The following METTL16 variants were observed in gnomAD, a reference collection of about 807,000 sequenced individuals.
The protein encoded by METTL16 is RNA N(6)-adenosine-methyltransferase METTL16.
Under a neutral mutation model 57.9 loss-of-function variants are expected in METTL16, and 19 were observed. The observed-to-expected ratio is 0.33, with a 90% CI of 0.23 to 0.48. The LOEUF is 0.48. METTL16 is among the 20% of genes least tolerant of loss of function. METTL16 has a pLI of 0.99. For synonymous variants in METTL16, 246 were observed against 255.6 expected (o/e 0.96, Z 0.36); for missense variants, 434 against 691.5 (o/e 0.63, Z 4.18).
At chr17:2,434,939 C>A (rs1294481906) in intron 8 of METTL16, among the ~76,000 whole-genome samples, 3 of 152,204 alleles carry the variant, frequency 2.0e-5, no homozygotes, top group African/African-American at 4.8e-5. Context: ...TTTCTCCTAA[C>A]AAACGTCAAA....
chr17:2,417,014 A>T lies in METTL16; in HGVS notation c.*2956T>A, dbSNP rs906984260. The T allele has an allele frequency of 2.0e-5, 3 of 146,912 alleles. No homozygotes were observed. Among genetic ancestry groups the T allele is most frequent in the African/African-American group, 7.5e-5 (3 of 40,156 alleles). The allele number at this position is 146,912 out of a possible 1,614,324, so 9.1% of individuals were successfully genotyped here. A position where few individuals can be genotyped will look rare whatever the true frequency, so the allele number is the denominator to read the frequency against. ...GAAATGGAAACATCCAAATGCACAG[A>T]AGGCACTCGGCTCCAGACTGAAAGC... is the stretch of plus-strand genomic sequence containing the variant. On this transcript the variant is annotated 3_prime_UTR_variant, in exon 10 of 10. Transcript: ENST00000263092.
At chr17:2,428,527 CAAAAAAAAAAAAAAAAAAAA>C (rs533793602) in intron 8 of METTL16, among the ~76,000 whole-genome samples, 3 of 21,076 alleles carry the variant, frequency 1.4e-4, no homozygotes, top group African/African-American at 1.8e-4. Flanking sequence ...GACTCCGTCT[CAAAAAAAAAAAAAAAAAAAA>C]AAAAAAAAAA....
Position 2,486,003 on chromosome 17 carries a change from T to C in METTL16, c.129-8118A>G, listed in dbSNP as rs530793155. On this transcript the variant is annotated intron_variant, in intron 2 of 9. Transcript: ENST00000263092. ...AGGAAGGAACGAAGGGAAGGGAACG[T>C]GGCATTCTAGGGTCCTAGGTAAAGC... is the stretch of plus-strand genomic sequence containing the variant. 1.4e-4 allele frequency among the ~76,000 whole-genome samples: 22 copies of C among 152,194 alleles called. No individual in the cohort carries two copies. The East Asian group carries it at 4.1e-3, about 28-fold the overall frequency.
chr17:2,461,727 C>T (rs985133702), intron 6 of METTL16, among the ~76,000 whole-genome samples: 4 of 152,164 alleles, frequency 2.6e-5, no homozygotes, highest in African/African-American at 9.6e-5. Flanking sequence ...CAGGCGCCTG[C>T]CACCACACCC....
intron 2 of METTL16, 115 bp from the exon 3 acceptor site, chr17:2,478,000 C>A: frequency 1.4e-6 from 1 of 736,496 alleles, no homozygotes; most frequent in Non-Finnish European, 2.3e-6. Flanking sequence ...GGAGATCACA[C>A]ACAGTTACAC....
chr17:2,437,035 T>C (rs1202459577), intron 8 of METTL16, among the ~76,000 whole-genome samples: 1 of 151,928 alleles, frequency 6.6e-6, no homozygotes, highest in Non-Finnish European at 1.5e-5. Flanking sequence ...GCATGCGCCA[T>C]CAAAATACAA....
chr17:2,480,984 C>T (rs1184846914), intron 2 of METTL16, among the ~76,000 whole-genome samples: 1 of 152,174 alleles, frequency 6.6e-6, no homozygotes, highest in East Asian at 1.9e-4. Context: ...AGATGGATCA[C>T]TTGAGGTCAG....
At chr17:2,501,332 G>C (rs112203602) in intron 2 of METTL16, among the ~76,000 whole-genome samples, 4,080 of 152,084 alleles carry the variant, frequency 0.027, 96 homozygotes, top group African/African-American at 0.067. Context: ...GGGAGGCTGG[G>C]GCAGGAAGAC....
chr17:2,480,550 C>T (rs1454791607), intron 2 of METTL16, among the ~76,000 whole-genome samples: 1 of 152,162 alleles, frequency 6.6e-6, no homozygotes, highest in Non-Finnish European at 1.5e-5. Flanking sequence ...TAGCACTCCC[C>T]AAAGGAATCG....
intron 4 of METTL16, among the ~76,000 whole-genome samples, chr17:2,472,250 C>T (rs2067240414): frequency 6.6e-6 from 1 of 152,100 alleles, no homozygotes; most frequent in Non-Finnish European, 1.5e-5. Flanking sequence ...TACCACTACA[C>T]GCCTATTAGA....
At chr17:2,480,168 A>G (rs1222988160) in intron 2 of METTL16, among the ~76,000 whole-genome samples, 1 of 149,952 alleles carries the variant, frequency 6.7e-6, no homozygotes, top group Non-Finnish European at 1.5e-5. Flanking sequence ...CCTAGGTGAC[A>G]GAGAGAGACT....
rs200371916 is a variant in METTL16, at chr17:2,441,757, T to TA, written c.729-199dup. On this transcript the variant is annotated intron_variant, in intron 6 of 9. Transcript: ENST00000263092. ...GATGGAAAACAAGCCCAAGGCAACT[T>TA]AAAAAATAAATAAATAAATAAATGT... Among the ~76,000 whole-genome samples, 569 of 151,974 alleles carry TA rather than the reference T, an allele frequency of 3.7e-3. 4 individuals carry two copies. The highest frequency in any genetic ancestry group is 0.013 in the African/African-American group (530 of 41,416).
chr17:2,465,325 C>T (rs576913496), intron 5 of METTL16, among the ~76,000 whole-genome samples: 93 of 151,456 alleles, frequency 6.1e-4, no homozygotes, highest in Non-Finnish European at 1.1e-3. Context: ...GGGAGGATCA[C>T]GAGGTCAGGA....
intron 4 of METTL16, among the ~76,000 whole-genome samples, chr17:2,470,324 A>C (rs2067227499): frequency 6.6e-6 from 1 of 151,832 alleles, no homozygotes; most frequent in South Asian, 2.1e-4. Flanking sequence ...AAAAAACCCC[A>C]AAACGTGGTA....
intron 4 of METTL16, among the ~76,000 whole-genome samples, chr17:2,469,387 A>C (rs766225937): frequency 2.0e-5 from 3 of 152,240 alleles, no homozygotes; most frequent in East Asian, 1.9e-4. Flanking sequence ...GAAAAGTCTT[A>C]TTTCTTTCAT....
intron 6 of METTL16, among the ~76,000 whole-genome samples, chr17:2,446,168 A>G (rs2151552718): frequency 6.6e-6 from 1 of 152,260 alleles, no homozygotes; most frequent in East Asian, 1.9e-4. Flanking sequence ...AAACCCCCAA[A>G]CCAAAAAACT....
intron 6 of METTL16, among the ~76,000 whole-genome samples, chr17:2,463,667 G>A (rs918161010): frequency 2.6e-5 from 4 of 151,728 alleles, no homozygotes; most frequent in African/African-American, 9.7e-5. Flanking sequence ...TCACTATATT[G>A]GCCAGGCTGG....
intron 2 of METTL16, among the ~76,000 whole-genome samples, chr17:2,491,648 G>A (rs1036721533): frequency 6.6e-6 from 1 of 151,312 alleles, no homozygotes; most frequent in Non-Finnish European, 1.5e-5. Flanking sequence ...GGCCAAGGCG[G>A]GTGAATCACG....
At chr17:2,488,299 G>A (rs971120144) in intron 2 of METTL16, among the ~76,000 whole-genome samples, 2 of 152,206 alleles carry the variant, frequency 1.3e-5, no homozygotes, top group Non-Finnish European at 1.5e-5. Flanking sequence ...GCTCACGCCT[G>A]TAATCCCAAC....
Sources: gnomAD v4.1 joint callset for allele counts (sites outside exome capture counted in the v4.1 genomes callset) on GRCh38, gnomAD v4.1.1 for gene constraint, MANE v1.5 for transcripts, NCBI Gene and HGNC (gene_info 2026-07-23, HGNC 2026-07-21) for gene names.